Variants in MYEF2 observed in about 807,000 individuals in gnomAD.
The protein encoded by MYEF2 is myelin expression factor 2.
A neutral mutation model predicts 75.2 loss-of-function variants in MYEF2; 37 were observed. The observed-to-expected ratio is 0.49, with a 90% CI of 0.38 to 0.65. MYEF2 has a LOEUF of 0.65. Among genes scored for constraint, MYEF2 ranks in the 30% least tolerant of loss-of-function variants. The probability of loss-of-function intolerance (pLI) is 0.00; values close to 1 mark genes in which losing one functional copy is unlikely to be tolerated. For synonymous variants in MYEF2, 195 were observed against 241.6 expected (o/e 0.81, Z 1.79); for missense variants, 634 against 771.4 (o/e 0.82, Z 2.11).
At chr15:48,153,730 G>A (rs1253108087) in intron 10 of MYEF2, 62 bp downstream of exon 10, 1 of 1,325,114 alleles carries the variant, frequency 7.5e-7, no homozygotes, top group Non-Finnish European at 1.1e-6. Context: ...CCACATCAAT[G>A]GAGGCTTTAT....
chr15:48,171,053 T>A (rs952242366), intron 1 of MYEF2, among the ~76,000 whole-genome samples: 2 of 152,162 alleles, frequency 1.3e-5, no homozygotes, highest in Non-Finnish European at 2.9e-5. Flanking sequence ...ACTGTCTAAA[T>A]CTAGAAAGTA....
chr15:48,151,753 C>A, intron 12 of MYEF2, 121 bp downstream of exon 12: 1 of 1,238,620 alleles, frequency 8.1e-7, no homozygotes, highest in Non-Finnish European at 1.2e-6. Flanking sequence ...GTCCTTATCC[C>A]CTAGTGCCTA....
In MYEF2 at chr15:48,142,330, A is replaced by T. The variant is rs1344339954; in HGVS notation, c.*578T>A. On this transcript the variant is annotated 3_prime_UTR_variant, in exon 17 of 17. Transcript: ENST00000324324. ...AACTTGGAATTATTGGAAATAATAA[A>T]ATAAGGGGCTGTGGAGGTTGATATT... 3 of 1,606,348 alleles carry T rather than the reference A, an allele frequency of 1.9e-6. No individual in the cohort carries two copies. The highest frequency in any genetic ancestry group is 2.6e-6 in the Non-Finnish European group (3 of 1,175,490).
At chr15:48,153,235 T>C (rs2039562979) in intron 10 of MYEF2, 1 of 152,148 alleles carries the variant, frequency 6.6e-6, no homozygotes, top group Non-Finnish European at 1.5e-5. Context: ...TTTTTTAATA[T>C]GTAATTTTTT....
intron 16 of MYEF2, among the ~76,000 whole-genome samples, chr15:48,143,905 G>C (rs2039178888): frequency 6.6e-6 from 1 of 151,984 alleles, no homozygotes; most frequent in African/African-American, 2.4e-5. Context: ...GAGAGTAAAA[G>C]GGGGAGTTAT....
Position 48,178,092 on chromosome 15 carries a change from G to T in MYEF2, c.146C>A (p.Ser49Tyr). The T allele has an allele frequency of 1.2e-6, 2 of 1,600,056 alleles. No individual in the cohort carries two copies. Among genetic ancestry groups the T allele is most frequent in the Non-Finnish European group, 1.7e-6 (2 of 1,173,766 alleles). The change falls in exon 1 of 17, where the codon TCC becomes TAC. Residue 49 changes from serine to tyrosine, a missense_variant. Ser to Tyr is a moderately radical substitution (Grantham distance 144). Transcript: ENST00000324324. ...AAGACAATACATTTTAACGCCATTG[G>T]AGCTGCTGCTGTGCTGCGGCTGCTG... The part of the protein sequence containing the change: ...EKQQPQHSSS[S>Y]NGVKMENDES...
Position 48,159,788 on chromosome 15 carries a change from T to C in MYEF2, c.542A>G (p.Asn181Ser), listed in dbSNP as rs772115378. ...TGTTCGCTGCAATGCCCTACGAGCA[T>C]TTTCTCCATCAGGATCCTATAACAC... The part of the protein sequence containing the change: ...LNIKEDPDGE[N>S]ARRALQRTGG... Residue 181 changes from asparagine to serine, a missense_variant, in exon 6 of 17, where the codon AAT (asparagine) becomes AGT (serine). Coordinates refer to ENST00000324324, the MANE Select transcript of MYEF2 (RefSeq NM_016132.5). 4 of 1,612,606 alleles carry C rather than the reference T, an allele frequency of 2.5e-6. No individual in the cohort carries two copies. Among genetic ancestry groups the C allele is most frequent in the Admixed American group, 3.3e-5 (2 of 59,718 alleles).
rs1301982415 is a variant in MYEF2, at chr15:48,141,485, G to A, written c.*1423C>T. The A allele has an allele frequency of 1.7e-5, 4 of 237,398 alleles. No individual in the cohort carries two copies. The highest frequency in any genetic ancestry group is 3.3e-5 in the Non-Finnish European group (4 of 120,766). The allele number at this position is 237,398 out of a possible 1,614,324, so 14.7% of individuals were successfully genotyped here. A position where few individuals can be genotyped will look rare whatever the true frequency, so the allele number is the denominator to read the frequency against. ...CCAGCTACTCAGGAGGCTGAGGCAGGAGAATTGTTTGAATCCAGGAGGCGG... is the reference window on the plus strand; with the variant it reads ...CCAGCTACTCAGGAGGCTGAGGCAGAAGAATTGTTTGAATCCAGGAGGCGG... On this transcript the variant is annotated 3_prime_UTR_variant, in exon 17 of 17. Transcript: ENST00000324324.
Position 48,138,997 on chromosome 15 carries a change from A to G in MYEF2, c.*3911T>C. 1 of 1,612,904 alleles carries G rather than the reference A, an allele frequency of 6.2e-7. No individual in the cohort carries two copies. Among genetic ancestry groups the G allele is most frequent in the Non-Finnish European group, 8.5e-7 (1 of 1,179,210 alleles). On this transcript the variant is annotated 3_prime_UTR_variant, in exon 17 of 17. Coordinates refer to ENST00000324324, the MANE Select transcript of MYEF2 (RefSeq NM_016132.5). Reference sequence around the variant, plus strand: ...CACCAAGTGTTTTCAACATGCCTGAAGCAGACTTAAAAAGAATTTTTTGGG... The same window carrying G: ...CACCAAGTGTTTTCAACATGCCTGAGGCAGACTTAAAAAGAATTTTTTGGG...
At position 48,164,695 on chromosome 15, in the gene MYEF2, C is replaced by G. The variant is rs78786704; in HGVS notation, c.525+1238G>C. ...AAGAAATTGCAACAGCCACCCCAAA[C>G]TTTAGTAACCATCACCCTGATCAGT... On this transcript the variant is annotated intron_variant, in intron 5 of 16. Transcript: ENST00000324324. 1.1e-3 allele frequency among the ~76,000 whole-genome samples: 174 copies of G among 152,278 alleles called. 4 individuals carry two copies. In the East Asian group the frequency reaches 0.033, roughly 29 times the overall value.
chr15:48,172,628 CA>C (rs2040383042), intron 1 of MYEF2, among the ~76,000 whole-genome samples: 1 of 151,032 alleles, frequency 6.6e-6, no homozygotes, highest in South Asian at 2.1e-4. Context: ...GGGGGAAAAA[CA>C]ATCAGAAATC....
In MYEF2 at chr15:48,154,260, A is replaced by T. The variant is rs570288996; in HGVS notation, c.986-367T>A. 1.5e-4 allele frequency among the ~76,000 whole-genome samples: 23 copies of T among 152,312 alleles called. No homozygotes were observed. The South Asian group carries it at 4.8e-3, about 32-fold the overall frequency. On this transcript the variant is annotated intron_variant, in intron 9 of 16. Coordinates refer to ENST00000324324, the MANE Select transcript of MYEF2 (RefSeq NM_016132.5). ...GTATCTTGCCCAAATTTGTAGACCC[A>T]CTTAAAATTTGATAATTACTTTTTA...
intron 9 of MYEF2, among the ~76,000 whole-genome samples, chr15:48,154,850 A>G (rs531181333): frequency 1.3e-5 from 2 of 152,272 alleles, no homozygotes; most frequent in South Asian, 2.1e-4. Context: ...AGAAAAAAAA[A>G]TAGTACAGAA....
At chr15:48,171,997 T>C (rs1218196610) in intron 1 of MYEF2, among the ~76,000 whole-genome samples, 3 of 152,190 alleles carry the variant, frequency 2.0e-5, no homozygotes, top group East Asian at 1.9e-4. Flanking sequence ...ATAGTTTTAA[T>C]GTGTGATTTT....
At chr15:48,158,141 A>G (rs1305075813) in intron 8 of MYEF2, 34 bp downstream of exon 8, 1 of 1,611,996 alleles carries the variant, frequency 6.2e-7, no homozygotes, top group African/African-American at 1.3e-5. Context: ...AGATCTGAAG[A>G]GGTTGGAGGT....
chr15:48,157,894 A>T, intron 9 of MYEF2, 99 bp downstream of exon 9: 1 of 1,537,998 alleles, frequency 6.5e-7, no homozygotes, highest in Admixed American at 2.1e-5. Context: ...CCAAATTGTG[A>T]GAAACTAGGA....
chr15:48,159,884 A>G (rs2039870589), intron 5 of MYEF2, 80 bp from the exon 6 acceptor site: 2 of 1,406,956 alleles, frequency 1.4e-6, no homozygotes, highest in Non-Finnish European at 1.9e-6. Context: ...TAAATTCTAC[A>G]GTAGCTATCC....
rs1719500721 is a variant in MYEF2, at chr15:48,165,990, T to C, written c.468A>G (p.Lys156=). The C allele has an allele frequency of 1.3e-6, 2 of 1,598,998 alleles. No individual in the cohort carries two copies. The highest frequency in any genetic ancestry group is 1.7e-5 in the Admixed American group (1 of 58,482). The change falls in exon 5 of 17, where the codon AAA becomes AAG. Residue 156 remains lysine, a synonymous_variant. Transcript: ENST00000324324. ...VEFKDEEFVK[K]ALETMNKYDL... is the part of the protein sequence containing the mutation. ...CATATTTGTTCATAGTTTCTAGGGC[T>C]TTCTTTACAAATTCTTCATCTTTGA...
At chr15:48,146,665 C>T (rs2039295353) in intron 16 of MYEF2, among the ~76,000 whole-genome samples, 1 of 151,946 alleles carries the variant, frequency 6.6e-6, no homozygotes, top group Non-Finnish European at 1.5e-5. Flanking sequence ...CTACTAGATT[C>T]TTACTAAGAA....
Sources: gnomAD v4.1 joint callset for allele counts (sites outside exome capture counted in the v4.1 genomes callset) on GRCh38, gnomAD v4.1.1 for gene constraint, MANE v1.5 for transcripts, NCBI Gene and HGNC (gene_info 2026-07-23, HGNC 2026-07-21) for gene names.